Variants in ISY1 observed in about 807,000 individuals in gnomAD.
ISY1 encodes the protein ISY1 spliceosome associated protein.
In ISY1, 12 loss-of-function variants were observed where a neutral mutation model predicts 54.4. That is an observed-to-expected ratio of 0.22 (90% CI 0.14 to 0.36). ISY1 has a LOEUF of 0.36. Ranked by LOEUF, ISY1 falls within the 10% of genes least tolerant of loss-of-function variation. ISY1 has a pLI of 1.00. For missense variants in ISY1, 282 were observed against 342.2 expected (o/e 0.82, Z 1.39); for synonymous variants, 96 against 117.9 (o/e 0.81, Z 1.20).
Position 129,130,533 on chromosome 3 carries a change from C to T in ISY1, c.750+17G>A. ...AGAAGCCCCCGGCGCCCAGGCAGCT[C>T]TTAGCTGTGGTCCTACCTCTTGCTG... is the stretch of plus-strand genomic sequence containing the variant. On this transcript the variant is annotated intron_variant, in intron 10 of 10. Transcript: ENST00000393295. 1 of 1,613,238 alleles carries T rather than the reference C, an allele frequency of 6.2e-7. No individual in the cohort carries two copies. The highest frequency in any genetic ancestry group is 8.5e-7 in the Non-Finnish European group (1 of 1,179,638).
intron 7 of ISY1, 87 bp from the exon 8 acceptor site, chr3:129,135,041 G>A (rs567371562): frequency 1.8e-4 from 266 of 1,463,344 alleles, no homozygotes; most frequent in Non-Finnish European, 2.4e-4. Context: ...ATACACACAC[G>A]TGGCACGTAT....
At chr3:129,149,805 A>AGAG (rs1553783039) in intron 5 of ISY1, among the ~76,000 whole-genome samples, 11 of 60,022 alleles carry the variant, frequency 1.8e-4, no homozygotes, top group Non-Finnish European at 2.6e-4. Flanking sequence ...AAAAAAAAAA[A>AGAG]AAAGAAAGAA....
rs763809895 is a variant in ISY1, at chr3:129,160,958, G to A, written c.3+15C>T. 1.3e-5 allele frequency: 4 copies of A among 313,096 alleles called. No homozygotes were observed. Among genetic ancestry groups the A allele is most frequent in the Admixed American group, 6.8e-5 (2 of 29,380 alleles). 19.4% of individuals were successfully genotyped at this position (313,096 alleles called of 1,614,324 possible). A position where few individuals can be genotyped will look rare whatever the true frequency, so the allele number is the denominator to read the frequency against. ...CGCCCATCCACTCGCTCCCTCACCC[G>A]CCCACCCTACTCACCATGGTGTCGC... On this transcript the variant is annotated intron_variant, in intron 1 of 10. Coordinates refer to ENST00000393295, the MANE Select transcript of ISY1 (RefSeq NM_020701.4).
chr3:129,158,421 A>C (rs1177099624), intron 3 of ISY1, 87 bp downstream of exon 3: 24 of 1,581,734 alleles, frequency 1.5e-5, no homozygotes, highest in Non-Finnish European at 2.0e-5. Flanking sequence ...AGCCTCCCCA[A>C]GTATTGGGAT....
intron 5 of ISY1, among the ~76,000 whole-genome samples, chr3:129,147,477 T>C (rs989628379): frequency 6.6e-6 from 1 of 152,142 alleles, no homozygotes; most frequent in Non-Finnish European, 1.5e-5. Flanking sequence ...TGGTGAGACT[T>C]TCCAGTGCTA....
intron 7 of ISY1, among the ~76,000 whole-genome samples, chr3:129,138,709 G>A (rs1309805443): frequency 3.3e-5 from 5 of 151,466 alleles, no homozygotes; most frequent in Non-Finnish European, 7.4e-5. Flanking sequence ...CAGCTACTTG[G>A]GAGGCTGAGG....
At position 129,134,894 on chromosome 3, in the gene ISY1, T is replaced by C. The variant is rs1027134755; in HGVS notation, c.479A>G (p.Tyr160Cys). 5 of 1,611,550 alleles carry C rather than the reference T, an allele frequency of 3.1e-6. No individual in the cohort carries two copies. The highest frequency in any genetic ancestry group is 1.3e-5 in the African/African-American group (1 of 74,888). Residue 160 changes from tyrosine (Y) to cysteine (C), a missense_variant, in exon 8 of 11, where the codon TAT becomes TGT. Transcript: ENST00000393295. ...ELMKAIDFEYYGYLDEDDGVI... is the reference protein window; with the variant it reads ...ELMKAIDFEYCGYLDEDDGVI... ...ACCATCATCTTCATCTAGGTAACCA[T>C]AGTACTCAAAATCGATTGCCTTCAT...
intron 1 of ISY1, among the ~76,000 whole-genome samples, chr3:129,159,434 A>T (rs1461212999): frequency 6.6e-6 from 1 of 151,952 alleles, no homozygotes; most frequent in Non-Finnish European, 1.5e-5. Context: ...TCTTCCTTCA[A>T]ATTTTACTTG....
At chr3:129,152,306 C>T (rs1429748915) in intron 5 of ISY1, among the ~76,000 whole-genome samples, 1 of 152,148 alleles carries the variant, frequency 6.6e-6, no homozygotes, top group Non-Finnish European at 1.5e-5. Context: ...TTTGGAATGA[C>T]ACAGTGAATT....
intron 1 of ISY1, among the ~76,000 whole-genome samples, chr3:129,159,886 C>A (rs4927936): frequency 0.88 from 133,783 of 152,212 alleles, 59,936 homozygotes; most frequent in Non-Finnish European, 0.97. Flanking sequence ...TTTATAGACA[C>A]TCAGCAAAAT....
intron 7 of ISY1, among the ~76,000 whole-genome samples, chr3:129,139,593 G>C (rs1936544473): frequency 6.7e-6 from 1 of 148,550 alleles, no homozygotes; most frequent in African/African-American, 2.5e-5. Context: ...GAAAGAAGGA[G>C]GAAAGGTGGG....
chr3:129,154,819 G>T (rs909720900), intron 5 of ISY1, among the ~76,000 whole-genome samples: 4 of 151,522 alleles, frequency 2.6e-5, no homozygotes, highest in African/African-American at 9.7e-5. Context: ...CTCCCAAGTA[G>T]CTGGGATTAC....
At chr3:129,133,088 C>T (rs935088250) in intron 9 of ISY1, among the ~76,000 whole-genome samples, 2 of 152,154 alleles carry the variant, frequency 1.3e-5, no homozygotes, top group Non-Finnish European at 2.9e-5. Context: ...CGCAGAAGAG[C>T]TCTGCCTGGG....
chr3:129,161,020 A>C lies in ISY1; in HGVS notation c.-45T>G. 2 of 1,480,188 alleles carry C rather than the reference A, an allele frequency of 1.4e-6. No individual in the cohort carries two copies. The highest frequency in any genetic ancestry group is 2.8e-5 in the African/African-American group (2 of 70,248). The allele number at this position is 1,480,188 out of a possible 1,614,324, so 91.7% of individuals were successfully genotyped here. A position where few individuals can be genotyped will look rare whatever the true frequency, so the allele number is the denominator to read the frequency against. ...TCCTGGAGCCCCGCGGCCCCTGTCC[A>C]AGAAACTCCACAGGCCCAGAAGACG... is the stretch of plus-strand genomic sequence containing the variant. On this transcript the variant is annotated 5_prime_UTR_variant, in exon 1 of 11. Transcript: ENST00000393295.
intron 7 of ISY1, among the ~76,000 whole-genome samples, chr3:129,138,030 A>G (rs1385388374): frequency 6.7e-6 from 1 of 148,954 alleles, no homozygotes; most frequent in Non-Finnish European, 1.5e-5. Context: ...TAATCCCAGC[A>G]TTTTGGGAGA....
chr3:129,141,271 A>C (rs1936603541), intron 6 of ISY1, among the ~76,000 whole-genome samples: 1 of 151,718 alleles, frequency 6.6e-6, no homozygotes, highest in Non-Finnish European at 1.5e-5. Context: ...TCACACCTGT[A>C]ATCCCAGCAC....
At chr3:129,134,714 T>A in intron 8 of ISY1, 118 bp downstream of exon 8, 5 of 1,352,554 alleles carry the variant, frequency 3.7e-6, no homozygotes, top group Non-Finnish European at 3.9e-6. Context: ...CGCCTGAAGA[T>A]CATTAGCAAC....
chr3:129,137,521 C>T (rs1936450934), intron 7 of ISY1, among the ~76,000 whole-genome samples: 1 of 152,022 alleles, frequency 6.6e-6, no homozygotes, highest in African/African-American at 2.4e-5. Context: ...GGAGCCACCC[C>T]AACACAACCC....
chr3:129,130,434 A>C (rs1936205157), intron 10 of ISY1, 116 bp downstream of exon 10: 6 of 1,345,184 alleles, frequency 4.5e-6, no homozygotes, highest in Non-Finnish European at 6.1e-6. Flanking sequence ...TCATGTGGTC[A>C]GGACCCTGAG....
Sources: gnomAD v4.1 joint callset for allele counts (sites outside exome capture counted in the v4.1 genomes callset) on GRCh38, gnomAD v4.1.1 for gene constraint, MANE v1.5 for transcripts, NCBI Gene and HGNC (gene_info 2026-07-23, HGNC 2026-07-21) for gene names.